The following AFG2A variants were observed in gnomAD, a reference collection of about 807,000 sequenced individuals.
AFG2A encodes ATPase family gene 2 protein homolog A.
chr4:123,175,057 A>G, the AFG2A span, among the ~76,000 whole-genome samples: 2 of 152,112 alleles, frequency 1.3e-5, no homozygotes, highest in African/African-American at 4.8e-5. Flanking sequence ...TCCTGGGGTC[A>G]GGCAAGCCAT....
the AFG2A span, among the ~76,000 whole-genome samples, chr4:122,982,910 C>T: frequency 6.9e-6 from 1 of 145,330 alleles, no homozygotes; most frequent in African/African-American, 2.5e-5. Flanking sequence ...CTCTGTTACC[C>T]AGGCTGGAGT....
the AFG2A span, among the ~76,000 whole-genome samples, chr4:123,014,411 A>C: frequency 6.6e-6 from 1 of 151,786 alleles, no homozygotes; most frequent in Admixed American, 6.6e-5. Flanking sequence ...TTTTTCTTAT[A>C]CTTGTTCATC....
At chr4:123,314,189 T>G in the AFG2A span, 11 of 696,232 alleles carry the variant, frequency 1.6e-5, no homozygotes, top group African/African-American at 2.0e-4. Flanking sequence ...TCAGTAGAAT[T>G]TAGGGGCTTT....
chr4:122,968,670 G>A, the AFG2A span, among the ~76,000 whole-genome samples: 2 of 152,190 alleles, frequency 1.3e-5, no homozygotes, highest in Admixed American at 1.3e-4. Context: ...ACAAATGTAT[G>A]CATTTCTGTC....
chr4:123,122,695 G>C, the AFG2A span, among the ~76,000 whole-genome samples: 1 of 151,866 alleles, frequency 6.6e-6, no homozygotes, highest in African/African-American at 2.4e-5. Flanking sequence ...CTATTCATAG[G>C]GCTATCTTTT....
chr4:123,293,783 G>C, the AFG2A span, among the ~76,000 whole-genome samples: 1 of 152,218 alleles, frequency 6.6e-6, no homozygotes, highest in Non-Finnish European at 1.5e-5. Context: ...CCTGAGTTCA[G>C]ATGCCAGCAG....
chr4:123,191,800 G>A, the AFG2A span, among the ~76,000 whole-genome samples: 1 of 151,926 alleles, frequency 6.6e-6, no homozygotes, highest in Non-Finnish European at 1.5e-5. Flanking sequence ...CTACTAATTT[G>A]TAGTTCTTTA....
chr4:122,978,285 G>A, the AFG2A span, among the ~76,000 whole-genome samples: 5 of 152,032 alleles, frequency 3.3e-5, no homozygotes, highest in East Asian at 3.9e-4. Context: ...GAGGAGACCC[G>A]GAGTGGGTAG....
the AFG2A span, among the ~76,000 whole-genome samples, chr4:123,250,249 G>C: frequency 6.6e-6 from 1 of 152,178 alleles, no homozygotes; most frequent in East Asian, 1.9e-4. Context: ...TATAATTGTG[G>C]TATAAGGTTT....
At chr4:123,200,702 A>G in the AFG2A span, among the ~76,000 whole-genome samples, 1 of 152,212 alleles carries the variant, frequency 6.6e-6, no homozygotes. Context: ...AGCTTGTTGC[A>G]TGTTGGCAGT....
At chr4:122,953,353 A>G in the AFG2A span, among the ~76,000 whole-genome samples, 1 of 152,246 alleles carries the variant, frequency 6.6e-6, no homozygotes, top group Non-Finnish European at 1.5e-5. Flanking sequence ...ATCCCCATCC[A>G]TAACCATCTT....
At chr4:123,226,290 A>T in the AFG2A span, among the ~76,000 whole-genome samples, 1 of 152,116 alleles carries the variant, frequency 6.6e-6, no homozygotes, top group Non-Finnish European at 1.5e-5. Flanking sequence ...GTCTTGTGCC[A>T]GTTTTCAAAG....
the AFG2A span, among the ~76,000 whole-genome samples, chr4:123,287,503 A>G: frequency 2.0e-5 from 3 of 152,240 alleles, no homozygotes; most frequent in Admixed American, 6.5e-5. Context: ...TAAATTCCAC[A>G]TTCGGTTAAA....
At chr4:123,043,425 C>CT in the AFG2A span, among the ~76,000 whole-genome samples, 44 of 151,768 alleles carry the variant, frequency 2.9e-4, no homozygotes, top group East Asian at 3.1e-3. Context: ...TCTTCTTCCA[C>CT]TTTTTTTTCC....
the AFG2A span, among the ~76,000 whole-genome samples, chr4:123,158,594 A>G: frequency 6.6e-6 from 1 of 152,208 alleles, no homozygotes; most frequent in Non-Finnish European, 1.5e-5. Context: ...GGCTCCCCAA[A>G]GAACTTCGGG....
chr4:122,941,670 G>A, the AFG2A span, among the ~76,000 whole-genome samples: 52,471 of 142,756 alleles, frequency 0.37, 8,355 homozygotes, highest in Non-Finnish European at 0.48. Flanking sequence ...CCAACACTAT[G>A]TTGAATAGGA....
At chr4:123,141,863 C>T in the AFG2A span, among the ~76,000 whole-genome samples, 2 of 152,052 alleles carry the variant, frequency 1.3e-5, no homozygotes, top group African/African-American at 4.8e-5. Flanking sequence ...CTGTGGGTTG[C>T]CTTTTTACTC....
the AFG2A span, among the ~76,000 whole-genome samples, chr4:123,303,821 T>C: frequency 6.6e-6 from 1 of 151,450 alleles, no homozygotes; most frequent in Non-Finnish European, 1.5e-5. Flanking sequence ...CCAAGTGTGT[T>C]CCCCTTCTCT....
the AFG2A span, among the ~76,000 whole-genome samples, chr4:123,135,610 T>G: frequency 1.3e-5 from 2 of 152,200 alleles, no homozygotes; most frequent in African/African-American, 2.4e-5. Context: ...TCTACAGACT[T>G]TTTTCTTGTC....
Sources: allele counts gnomAD v4.1 joint callset (sites outside exome capture counted in the v4.1 genomes callset), GRCh38; gene constraint gnomAD v4.1.1; transcripts MANE v1.5; gene names NCBI Gene and HGNC (gene_info 2026-07-23, HGNC 2026-07-21).